SH3RF3: variants seen among roughly 807,000 people sequenced by gnomAD.
The protein encoded by SH3RF3 is E3 ubiquitin-protein ligase SH3RF3.
SH3RF3 carries 29 observed loss-of-function variants against 66.3 expected under a neutral mutation model. The observed-to-expected ratio is 0.44, with a 90% CI of 0.33 to 0.60. The LOEUF (loss-of-function observed/expected upper bound fraction) is 0.60. Ranked by LOEUF, SH3RF3 falls within the 20% of genes least tolerant of loss-of-function variation. The probability of loss-of-function intolerance (pLI) is 0.04; values close to 1 mark genes in which losing one functional copy is unlikely to be tolerated. For missense variants in SH3RF3, 1,194 were observed against 1,190.9 expected (o/e 1.00, Z -0.04); for synonymous variants, 583 against 532.0 (o/e 1.10, Z -1.32).
chr2:109,493,564 T>C (rs1255394011), intron 9 of SH3RF3, among the ~76,000 whole-genome samples: 2 of 141,948 alleles, frequency 1.4e-5, no homozygotes, highest in African/African-American at 2.7e-5. Flanking sequence ...ATACATACCA[T>C]ACACACTGCA....
chr2:109,466,945 C>G (rs188822387), intron 8 of SH3RF3, among the ~76,000 whole-genome samples: 5 of 151,836 alleles, frequency 3.3e-5, no homozygotes, highest in African/African-American at 1.2e-4. Flanking sequence ...ATGTGTGTGT[C>G]TATATATCTG....
At chr2:109,453,271 C>T (rs964436533) in intron 8 of SH3RF3, among the ~76,000 whole-genome samples, 1 of 152,244 alleles carries the variant, frequency 6.6e-6, no homozygotes, top group Non-Finnish European at 1.5e-5. Context: ...TTGCTCCCTG[C>T]AGGGGCTGCC....
intron 5 of SH3RF3, among the ~76,000 whole-genome samples, chr2:109,420,635 T>C (rs1339144626): frequency 1.3e-5 from 2 of 152,032 alleles, no homozygotes; most frequent in Non-Finnish European, 2.9e-5. Flanking sequence ...TTAGTAGAGA[T>C]GGGGTTTCAC....
chr2:109,437,151 C>T lies in SH3RF3; in HGVS notation c.1828+5C>T, dbSNP rs781521810. ...CCCGGAGCACCATTTCAACAGGTAC[C>T]TTCACAGGGGCCTCACCCTGCAGGG... On this transcript the variant is annotated splice_donor_5th_base_variant and intron_variant, in intron 7 of 9. Transcript: ENST00000309415. The T allele has an allele frequency of 3.7e-6, 6 of 1,605,998 alleles. No homozygotes were observed. Among genetic ancestry groups the T allele is most frequent in the South Asian group, 2.2e-5 (2 of 90,414 alleles).
At chr2:109,374,279 C>T (rs1683335976) in intron 3 of SH3RF3, among the ~76,000 whole-genome samples, 1 of 152,272 alleles carries the variant, frequency 6.6e-6, no homozygotes, top group Non-Finnish European at 1.5e-5. Context: ...GATGGCTGCC[C>T]ATGCAGTACT....
chr2:109,244,506 T>A (rs961019302), intron 1 of SH3RF3, among the ~76,000 whole-genome samples: 1 of 152,176 alleles, frequency 6.6e-6, no homozygotes, highest in Non-Finnish European at 1.5e-5. Context: ...AATGTGAGAT[T>A]GAAAATTAAA....
At chr2:109,364,587 A>G (rs1357586225) in intron 2 of SH3RF3, among the ~76,000 whole-genome samples, 2 of 152,228 alleles carry the variant, frequency 1.3e-5, no homozygotes, top group Admixed American at 1.3e-4. Flanking sequence ...ACTGCTGTAA[A>G]TAGGCCTTTG....
chr2:109,185,622 C>G (rs559271121), intron 1 of SH3RF3, among the ~76,000 whole-genome samples: 34 of 152,188 alleles, frequency 2.2e-4, no homozygotes, highest in Non-Finnish European at 4.3e-4. Flanking sequence ...AAGCCGGAGC[C>G]AAGTCCCTGG....
chr2:109,425,177 G>A (rs1483152998), intron 5 of SH3RF3, among the ~76,000 whole-genome samples: 1 of 152,180 alleles, frequency 6.6e-6, no homozygotes, highest in East Asian at 1.9e-4. Context: ...CTTCAACTCC[G>A]TGAATGCTGA....
chr2:109,369,041 T>C (rs1344233719), intron 2 of SH3RF3, among the ~76,000 whole-genome samples: 1 of 152,040 alleles, frequency 6.6e-6, no homozygotes, highest in Non-Finnish European at 1.5e-5. Context: ...CTCGTGGTGT[T>C]TAGAAAAGCC....
intron 3 of SH3RF3, among the ~76,000 whole-genome samples, chr2:109,391,852 T>G (rs1318111475): frequency 6.6e-6 from 1 of 152,146 alleles, no homozygotes; most frequent in Non-Finnish European, 1.5e-5. Flanking sequence ...TCTTTTTTTT[T>G]TAATTAAGAC....
At chr2:109,471,530 G>T (rs1678509029) in intron 8 of SH3RF3, among the ~76,000 whole-genome samples, 1 of 152,170 alleles carries the variant, frequency 6.6e-6, no homozygotes, top group South Asian at 2.1e-4. Context: ...TACAATTCTA[G>T]ATGAGATTTG....
chr2:109,336,664 A>G (rs777411165), intron 1 of SH3RF3, among the ~76,000 whole-genome samples: 2 of 152,264 alleles, frequency 1.3e-5, no homozygotes, highest in Non-Finnish European at 2.9e-5. Context: ...CAGTGAGACT[A>G]TTTGCATTAA....
chr2:109,407,024 T>C (rs1293769586), intron 4 of SH3RF3, among the ~76,000 whole-genome samples: 3 of 152,184 alleles, frequency 2.0e-5, no homozygotes, highest in Admixed American at 2.0e-4. Flanking sequence ...GTAAGGCTAG[T>C]GTGGCTCTGA....
chr2:109,226,363 G>T (rs868162232), intron 1 of SH3RF3, among the ~76,000 whole-genome samples: 2 of 152,146 alleles, frequency 1.3e-5, no homozygotes, highest in African/African-American at 4.8e-5. Flanking sequence ...ACTCAGGAAG[G>T]TCAGCTGTTT....
intron 8 of SH3RF3, among the ~76,000 whole-genome samples, chr2:109,471,396 G>T (rs1004895627): frequency 1.3e-5 from 2 of 151,962 alleles, no homozygotes; most frequent in African/African-American, 4.8e-5. Context: ...AGTGAAGGGG[G>T]AAGAATCCTC....
chr2:109,369,532 A>G (rs1683221154), intron 2 of SH3RF3, among the ~76,000 whole-genome samples: 2 of 152,172 alleles, frequency 1.3e-5, no homozygotes, highest in African/African-American at 4.8e-5. Context: ...GTGGCATTGT[A>G]AAGTCATAAA....
chr2:109,364,613 T>C (rs889925296), intron 2 of SH3RF3, among the ~76,000 whole-genome samples: 4 of 152,212 alleles, frequency 2.6e-5, no homozygotes, highest in Admixed American at 1.3e-4. Context: ...GTGGGGGCCA[T>C]GCGGCCACAA....
intron 3 of SH3RF3, 71 bp from the exon 4 acceptor site, chr2:109,398,519 A>C: frequency 7.5e-7 from 1 of 1,330,948 alleles, no homozygotes; most frequent in Non-Finnish European, 1.0e-6. Context: ...TGTGGCCTGG[A>C]GAGTGCAGAG....
Sources: allele counts gnomAD v4.1 joint callset (sites outside exome capture counted in the v4.1 genomes callset), GRCh38; gene constraint gnomAD v4.1.1; transcripts MANE v1.5; gene names NCBI Gene and HGNC (gene_info 2026-07-23, HGNC 2026-07-21).